Variants in TGFA observed in about 807,000 individuals in gnomAD.
TGFA encodes the protein protransforming growth factor alpha.
In TGFA, 12 loss-of-function variants were observed where a neutral mutation model predicts 21.7. The ratio of observed to expected loss-of-function variants is 0.55; its 90% CI spans 0.35 to 0.90. TGFA has a LOEUF of 0.90. Ranked by LOEUF, TGFA falls within the 40% of genes least tolerant of loss-of-function variation. The probability of loss-of-function intolerance (pLI) is 0.01; values close to 1 mark genes in which losing one functional copy is unlikely to be tolerated. For missense variants in TGFA, 178 were observed against 210.8 expected (o/e 0.84, Z 0.96); for synonymous variants, 79 against 88.1 (o/e 0.90, Z 0.58).
At chr2:70,501,098 A>T (rs902137271) in intron 2 of TGFA, among the ~76,000 whole-genome samples, 2 of 151,874 alleles carry the variant, frequency 1.3e-5, no homozygotes, top group African/African-American at 4.8e-5. Context: ...TGTATTTGTT[A>T]TGCGATGAGG....
intron 3 of TGFA, among the ~76,000 whole-genome samples, chr2:70,457,319 A>C (rs930655): frequency 6.6e-6 from 1 of 151,834 alleles, no homozygotes; most frequent in Non-Finnish European, 1.5e-5. Context: ...GGGTCTCAAA[A>C]GTGCTTCGGG....
intron 1 of TGFA, among the ~76,000 whole-genome samples, chr2:70,523,100 C>T (rs569543252): frequency 9.9e-5 from 15 of 152,186 alleles, no homozygotes; most frequent in Middle Eastern, 3.4e-3. Context: ...ATCCAAAGCC[C>T]GGATTTAAGT....
chr2:70,520,162 T>C (rs1168225859), intron 1 of TGFA, among the ~76,000 whole-genome samples: 3 of 152,174 alleles, frequency 2.0e-5, no homozygotes, highest in Non-Finnish European at 2.9e-5. Context: ...AAGTTCAGGA[T>C]GATGAGGAGG....
At chr2:70,522,456 A>G (rs1672501077) in intron 1 of TGFA, among the ~76,000 whole-genome samples, 1 of 151,980 alleles carries the variant, frequency 6.6e-6, no homozygotes, top group African/African-American at 2.4e-5. Context: ...CTTTTTTATG[A>G]TGGAGTCTTA....
intron 1 of TGFA, among the ~76,000 whole-genome samples, chr2:70,533,318 C>T (rs937219372): frequency 6.6e-6 from 1 of 151,968 alleles, no homozygotes; most frequent in Admixed American, 6.6e-5. Flanking sequence ...TAAACCTTTT[C>T]CCCCTACCCC....
chr2:70,492,350 G>A (rs1671460850), intron 2 of TGFA, among the ~76,000 whole-genome samples: 1 of 152,194 alleles, frequency 6.6e-6, no homozygotes, highest in Non-Finnish European at 1.5e-5. Context: ...AATGGGCTCT[G>A]GCTTGGATCA....
chr2:70,529,264 G>A (rs545835813), intron 1 of TGFA, among the ~76,000 whole-genome samples: 18 of 152,276 alleles, frequency 1.2e-4, no homozygotes, highest in East Asian at 7.7e-4. Flanking sequence ...AGGCAGTTCC[G>A]CAGAGACATC....
intron 2 of TGFA, among the ~76,000 whole-genome samples, chr2:70,479,973 T>C (rs1309390347): frequency 3.3e-5 from 5 of 152,246 alleles, no homozygotes; most frequent in Non-Finnish European, 1.5e-5. Flanking sequence ...TGCATCATCA[T>C]CTTTACAGAG....
chr2:70,527,704 A>C (rs1672681158), intron 1 of TGFA, among the ~76,000 whole-genome samples: 1 of 152,254 alleles, frequency 6.6e-6, no homozygotes, highest in Non-Finnish European at 1.5e-5. Context: ...GGATGTTAAT[A>C]ACAGGTGAAA....
rs186891017 is a variant in TGFA at position 70,551,081 on chromosome 2, A to G, written c.40+2647T>C. On this transcript the variant is annotated intron_variant, in intron 1 of 5. Coordinates refer to ENST00000295400, the MANE Select transcript of TGFA (RefSeq NM_003236.4). ...GCCCAAAGTAACAACAACAATGATG[A>G]TGATGATAAGATTAAGATCTTACTA... is the stretch of plus-strand genomic sequence containing the variant. Among the ~76,000 whole-genome samples the G allele has an allele frequency of 3.1e-4, 47 of 152,138 alleles. 1 individual carries two copies. The highest frequency in any genetic ancestry group is 1.1e-3 in the African/African-American group (46 of 41,516).
chr2:70,506,255 ACAGACTCC>A (rs2103830061), intron 2 of TGFA, among the ~76,000 whole-genome samples: 1 of 152,244 alleles, frequency 6.6e-6, no homozygotes, highest in South Asian at 2.1e-4. Flanking sequence ...CACACATTTC[ACAGACTCC>A]CAGTGACCAG....
chr2:70,538,053 C>G (rs1441340143), intron 1 of TGFA, among the ~76,000 whole-genome samples: 1 of 152,142 alleles, frequency 6.6e-6, no homozygotes, highest in Non-Finnish European at 1.5e-5. Flanking sequence ...TTCCAAAGTC[C>G]TTATGCTATA....
At chr2:70,504,461 T>TATATATATATATAG (rs1490288034) in intron 2 of TGFA, among the ~76,000 whole-genome samples, 1 of 65,168 alleles carries the variant, frequency 1.5e-5, no homozygotes, top group Admixed American at 1.4e-4. Context: ...TATATATATA[T>TATATATATATATAG]ATACACACAT....
intron 2 of TGFA, among the ~76,000 whole-genome samples, chr2:70,489,387 G>A (rs958315237): frequency 1.1e-4 from 17 of 152,198 alleles, no homozygotes; most frequent in Non-Finnish European, 1.9e-4. Flanking sequence ...AACACCAGAC[G>A]AAGCACAAGA....
intron 1 of TGFA, among the ~76,000 whole-genome samples, chr2:70,548,917 T>C (rs1303741995): frequency 1.3e-5 from 2 of 152,166 alleles, no homozygotes. Context: ...TGAAAGATTT[T>C]TATACTTGAC....
At chr2:70,513,989 T>A (rs1672185053) in intron 2 of TGFA, among the ~76,000 whole-genome samples, 1 of 152,216 alleles carries the variant, frequency 6.6e-6, no homozygotes, top group Non-Finnish European at 1.5e-5. Flanking sequence ...TATTCCTGTT[T>A]CCGGAGACAC....
At chr2:70,514,629 G>GAC (rs1192142833) in intron 2 of TGFA, among the ~76,000 whole-genome samples, 1 of 152,142 alleles carries the variant, frequency 6.6e-6, no homozygotes, top group Non-Finnish European at 1.5e-5. Flanking sequence ...GCTGAAGAGA[G>GAC]ACACGTAGGG....
intron 2 of TGFA, among the ~76,000 whole-genome samples, chr2:70,471,586 C>A (rs1420023551): frequency 6.6e-6 from 1 of 152,202 alleles, no homozygotes; most frequent in African/African-American, 2.4e-5. Context: ...AAGAACACCC[C>A]AAATACCAGG....
At chr2:70,498,491 G>A (rs1314604534) in intron 2 of TGFA, among the ~76,000 whole-genome samples, 2 of 152,166 alleles carry the variant, frequency 1.3e-5, no homozygotes, top group African/African-American at 4.8e-5. Context: ...TTTTGGAACA[G>A]GCTGGAGAGA....
Sources: allele counts gnomAD v4.1 joint callset (sites outside exome capture counted in the v4.1 genomes callset), GRCh38; gene constraint gnomAD v4.1.1; transcripts MANE v1.5; gene names NCBI Gene and HGNC (gene_info 2026-07-23, HGNC 2026-07-21).